Variants in ERAP2 observed in about 807,000 individuals in gnomAD.
The protein encoded by ERAP2 is leukocyte-derived arginine aminopeptidase.
A neutral mutation model predicts 111.1 loss-of-function variants in ERAP2; 118 were observed. The ratio of observed to expected loss-of-function variants is 1.06; its 90% confidence interval spans 0.92 to 1.24. The LOEUF is 1.24. Among genes scored for constraint, ERAP2 ranks in the 50% most tolerant of loss-of-function variants. The pLI, the probability that ERAP2 is intolerant of heterozygous loss-of-function variation, is 0.00. For missense variants in ERAP2, 1,131 were observed against 1,125.8 expected, an observed-to-expected ratio of 1.00 and a Z score of -0.07; for synonymous variants, 410 against 401.2, an observed-to-expected ratio of 1.02 and a Z score of -0.26.
chr5:96,883,699 C>T, intron 2 of ERAP2, 93 bp from the exon 3 acceptor site: 2 of 1,291,070 alleles, frequency 1.5e-6, no homozygotes, highest in Non-Finnish European at 2.1e-6. Context: ...GTCTATTACC[C>T]CCAGGTTTGA....
chr5:96,876,677 AT>A, intron 1 of ERAP2, 150 bp downstream of exon 1: 1 of 152,476 alleles, frequency 6.6e-6, no homozygotes, highest in Non-Finnish European at 1.5e-5. Context: ...GCGCGGCTGT[AT>A]TAGAAAGTGT....
chr5:96,890,268 T>C (rs1034456688), intron 5 of ERAP2, among the ~76,000 whole-genome samples: 2 of 152,212 alleles, frequency 1.3e-5, no homozygotes, highest in African/African-American at 4.8e-5. Context: ...ATGAAACTGT[T>C]CCACCTCAGA....
intron 6 of ERAP2, 96 bp from the exon 7 acceptor site, chr5:96,895,149 AC>A: frequency 3.0e-6 from 2 of 656,410 alleles, no homozygotes; most frequent in East Asian, 3.0e-5. Context: ...AGAGATCCTA[AC>A]TAATAAAAAA....
intron 2 of ERAP2, chr5:96,880,993 A>G: frequency 6.3e-6 from 1 of 159,024 alleles, no homozygotes; most frequent in South Asian, 1.6e-4. Flanking sequence ...TTGAGAGCTG[A>G]GTTTTTTTTT....
At chr5:96,917,038 G>A (rs1290938220) in intron 18 of ERAP2, among the ~76,000 whole-genome samples, 1 of 152,222 alleles carries the variant, frequency 6.6e-6, no homozygotes, top group Non-Finnish European at 1.5e-5. Context: ...GAGGTTGGCA[G>A]AGAAATGCCT....
chr5:96,881,968 G>A (rs560016811), intron 2 of ERAP2, among the ~76,000 whole-genome samples: 3 of 114,074 alleles, frequency 2.6e-5, no homozygotes, highest in African/African-American at 1.0e-4. Context: ...CTGGAACCAA[G>A]GAAGGGAAAT....
Position 96,913,459 on chromosome 5 carries a change from T to G in ERAP2, c.2657+2T>G, listed in dbSNP as rs374597857. 1.2e-6 allele frequency: 2 copies of G among 1,613,718 alleles called. No homozygotes were observed. The highest frequency in any genetic ancestry group is 1.7e-6 in the Non-Finnish European group (2 of 1,179,854). On this transcript the variant is annotated splice_donor_variant, in intron 17 of 18. Coordinates refer to ENST00000437043, the MANE Select transcript of ERAP2 (RefSeq NM_022350.5). LOFTEE classifies it high-confidence loss of function. ...AAATTGGACCCATCTTCTGAAAAAG[T>G]TGGTATTCATTTTCATCCAATGTTT...
In ERAP2 at chr5:96,892,462, C is replaced by A. The variant is rs140735506; in HGVS notation, c.1125+9C>A. 1.2e-6 allele frequency: 2 copies of A among 1,613,324 alleles called. No individual in the cohort carries two copies. The highest frequency in any genetic ancestry group is 1.7e-6 in the Non-Finnish European group (2 of 1,179,598). On this transcript the variant is annotated intron_variant, in intron 6 of 18. Coordinates refer to ENST00000437043, the MANE Select transcript of ERAP2 (RefSeq NM_022350.5). ...ATGAACTGGCGCACCAGGTACTTGGCACTCATGACATTATCTCGATATCAG... is the reference window on the plus strand; with the variant it reads ...ATGAACTGGCGCACCAGGTACTTGGAACTCATGACATTATCTCGATATCAG...
At chr5:96,915,900 T>C (rs1033388292) in intron 18 of ERAP2, 131 bp downstream of exon 18, 6 of 684,446 alleles carry the variant, frequency 8.8e-6, no homozygotes, top group Non-Finnish European at 1.4e-5. Flanking sequence ...CAATGCCATA[T>C]AGCAAGTAAA....
chr5:96,886,547 G>GTC, intron 3 of ERAP2, 108 bp from the exon 4 acceptor site: 3 of 931,034 alleles, frequency 3.2e-6, no homozygotes, highest in Non-Finnish European at 4.4e-6. Flanking sequence ...GTCATCGATT[G>GTC]TCCTTCAGAG....
chr5:96,900,609 G>T (rs1785343543), intron 10 of ERAP2, among the ~76,000 whole-genome samples: 1 of 151,950 alleles, frequency 6.6e-6, no homozygotes, highest in African/African-American at 2.4e-5. Context: ...GTCATCACAG[G>T]GGAAGAAAGG....
At chr5:96,886,846 AC>A in intron 4 of ERAP2, 57 bp downstream of exon 4, 2 of 1,327,646 alleles carry the variant, frequency 1.5e-6, no homozygotes, top group Non-Finnish European at 2.0e-6. Context: ...AGAGCAATGA[AC>A]TTTTGTTTTC....
At chr5:96,887,956 C>T (rs1008397240) in intron 4 of ERAP2, among the ~76,000 whole-genome samples, 3 of 151,964 alleles carry the variant, frequency 2.0e-5, no homozygotes, top group African/African-American at 7.2e-5. Flanking sequence ...TGAAACCCCT[C>T]TCTACTAAAA....
intron 5 of ERAP2, among the ~76,000 whole-genome samples, chr5:96,890,145 T>TA (rs1784185847): frequency 6.6e-6 from 1 of 152,156 alleles, no homozygotes; most frequent in Non-Finnish European, 1.5e-5. Context: ...TCTTAAAAAA[T>TA]AAAAAACGTT....
chr5:96,876,768 T>A (rs975260125), intron 1 of ERAP2, among the ~76,000 whole-genome samples: 1 of 152,126 alleles, frequency 6.6e-6, no homozygotes, highest in African/African-American at 2.4e-5. Context: ...TTTCTAAGCG[T>A]TTGTGACAAT....
chr5:96,896,845 G>A lies in ERAP2; in HGVS notation c.1485G>A (p.Leu495=). 3 of 1,115,730 alleles carry A rather than the reference G, an allele frequency of 2.7e-6. No individual in the cohort carries two copies. Among genetic ancestry groups the A allele is most frequent in the East Asian group, 4.7e-5 (1 of 21,262 alleles). The allele number at this position is 1,115,730 out of a possible 1,614,324, so 69.1% of individuals were successfully genotyped here. The change falls in exon 9 of 19, where the codon TTG becomes TTA. Residue 495 remains leucine (L), a synonymous_variant. Coordinates refer to ENST00000437043, the MANE Select transcript of ERAP2 (RefSeq NM_022350.5). ...FSYRNAKNDD[L]WSSLSNSCLE... ...ATAGAAATGCTAAGAATGATGACTT[G>A]TGGAGCAGTCTGTCAAATGTAAGTC...
At chr5:96,892,070 A>G (rs1263864296) in intron 5 of ERAP2, among the ~76,000 whole-genome samples, 1 of 152,190 alleles carries the variant, frequency 6.6e-6, no homozygotes, top group African/African-American at 2.4e-5. Context: ...AAATGTCCAT[A>G]TGTTACTTCA....
chr5:96,877,264 T>G (rs979500910), intron 1 of ERAP2, among the ~76,000 whole-genome samples: 1 of 152,200 alleles, frequency 6.6e-6, no homozygotes, highest in Non-Finnish European at 1.5e-5. Context: ...CCTGAGTCAC[T>G]GTGCCCGGTC....
intron 6 of ERAP2, among the ~76,000 whole-genome samples, chr5:96,892,721 A>G (rs1285642901): frequency 6.6e-6 from 1 of 152,196 alleles, no homozygotes; most frequent in African/African-American, 2.4e-5. Flanking sequence ...TGGGAAAAGA[A>G]GGGAAGTGAC....
Sources: allele counts gnomAD v4.1 joint callset (sites outside exome capture counted in the v4.1 genomes callset), GRCh38; gene constraint gnomAD v4.1.1; transcripts MANE v1.5; gene names NCBI Gene and HGNC (gene_info 2026-07-23, HGNC 2026-07-21).